The following PKIB variants were observed in gnomAD, a reference collection of about 807,000 sequenced individuals.
PKIB encodes PKI-beta.
In PKIB, 2 loss-of-function variants were observed where a neutral mutation model predicts 4.5. The ratio of observed to expected loss-of-function variants is 0.44; its 90% CI spans 0.18 to 1.39. PKIB has a LOEUF of 1.39. Among genes scored for constraint, PKIB ranks in the 40% most tolerant of loss-of-function variants. PKIB has a pLI of 0.27. For missense variants in PKIB, 94 were observed against 92.6 expected (o/e 1.02, Z -0.06); for synonymous variants, 38 against 36.0 (o/e 1.06, Z -0.20).
At chr6:122,642,002 T>C (rs746326803) in intron 2 of PKIB, among the ~76,000 whole-genome samples, 1 of 152,168 alleles carries the variant, frequency 6.6e-6, no homozygotes, top group Admixed American at 6.5e-5. Context: ...TGTTACTGAT[T>C]AATTTTGAAT....
At chr6:122,614,714 G>A (rs966649668) in intron 1 of PKIB, among the ~76,000 whole-genome samples, 1 of 152,050 alleles carries the variant, frequency 6.6e-6, no homozygotes, top group African/African-American at 2.4e-5. Flanking sequence ...TAAATTTTAT[G>A]GATTGAGCTA....
intron 1 of PKIB, among the ~76,000 whole-genome samples, chr6:122,629,153 C>T (rs1252577939): frequency 1.3e-5 from 2 of 152,254 alleles, no homozygotes; most frequent in Non-Finnish European, 2.9e-5. Flanking sequence ...CTTCATAATA[C>T]TCTCTGTCTT....
chr6:122,555,955 G>C (rs998976220), intron 2 of PKIB, among the ~76,000 whole-genome samples: 2 of 152,170 alleles, frequency 1.3e-5, no homozygotes, highest in Non-Finnish European at 2.9e-5. Flanking sequence ...CTAGTGGTTT[G>C]GGGCATTTAG....
At chr6:122,692,909 G>A (rs115558391) in intron 3 of PKIB, among the ~76,000 whole-genome samples, 130 of 152,250 alleles carry the variant, frequency 8.5e-4, no homozygotes, top group African/African-American at 3.0e-3. Context: ...AACAAGTTTT[G>A]AATTTTAATC....
chr6:122,657,288 T>G (rs1276153410), intron 2 of PKIB, among the ~76,000 whole-genome samples: 1 of 152,204 alleles, frequency 6.6e-6, no homozygotes, highest in Non-Finnish European at 1.5e-5. Flanking sequence ...AAATTGCTAC[T>G]CATGGCTACA....
At chr6:122,490,442 T>C (rs1291839237) in intron 2 of PKIB, among the ~76,000 whole-genome samples, 1 of 152,154 alleles carries the variant, frequency 6.6e-6, no homozygotes, top group East Asian at 1.9e-4. Flanking sequence ...TGTTGAAATA[T>C]GATTCCAAAT....
intron 2 of PKIB, among the ~76,000 whole-genome samples, chr6:122,573,153 G>A (rs1261444327): frequency 1.3e-5 from 2 of 152,046 alleles, no homozygotes; most frequent in African/African-American, 4.8e-5. Context: ...ACCAGGAAAG[G>A]ACACAAGAGA....
intron 2 of PKIB, among the ~76,000 whole-genome samples, chr6:122,495,931 C>T (rs1776065849): frequency 6.6e-6 from 1 of 152,134 alleles, no homozygotes; most frequent in African/African-American, 2.4e-5. Context: ...ACTCATTTCC[C>T]CAGATGATCC....
intron 2 of PKIB, among the ~76,000 whole-genome samples, chr6:122,535,691 T>C (rs1430212229): frequency 1.3e-5 from 2 of 152,184 alleles, no homozygotes; most frequent in African/African-American, 4.8e-5. Context: ...GGCTTGAGAA[T>C]TAAACATGTT....
chr6:122,717,688 G>T (rs1217777535), intron 3 of PKIB, 99 bp from the exon 4 acceptor site: 11 of 1,142,374 alleles, frequency 9.6e-6, no homozygotes, highest in Non-Finnish European at 1.4e-5. Context: ...AGACTCTCAA[G>T]CCTGTTGTGT....
chr6:122,701,497 C>A, intron 3 of PKIB: 1 of 1,596,846 alleles, frequency 6.3e-7, no homozygotes, highest in Non-Finnish European at 8.5e-7. Context: ...CATGTCACAC[C>A]AGGGTATAGT....
chr6:122,549,832 AT>A (rs1303022571), intron 2 of PKIB, among the ~76,000 whole-genome samples: 1 of 147,916 alleles, frequency 6.8e-6, no homozygotes, highest in African/African-American at 2.5e-5. Flanking sequence ...TATATATAAA[AT>A]ATATATGTAT....
intron 2 of PKIB, among the ~76,000 whole-genome samples, chr6:122,506,143 G>C (rs1416688067): frequency 6.6e-6 from 1 of 152,104 alleles, no homozygotes; most frequent in Non-Finnish European, 1.5e-5. Flanking sequence ...AGGAAAACTG[G>C]TATCCAAACT....
rs149654900 is a variant in PKIB, at chr6:122,663,834, C to T, written c.-75-11244C>T. Among the ~76,000 whole-genome samples the T allele has an allele frequency of 9.1e-4, 138 of 152,078 alleles. No individual in the cohort carries two copies. The East Asian group carries it at 0.015, about 17-fold the overall frequency. ...GGGGGTTAGGAGTTTAATATATTTT[C>T]GGGGGAAACGATGCAACCCATAACA... On this transcript the variant is annotated intron_variant, in intron 2 of 4. Transcript: ENST00000368452.
intron 2 of PKIB, among the ~76,000 whole-genome samples, chr6:122,552,966 A>C (rs1344484952): frequency 6.6e-6 from 1 of 152,052 alleles, no homozygotes; most frequent in Admixed American, 6.6e-5. Context: ...CTATTCCTAA[A>C]TTCACTGGAT....
chr6:122,619,815 G>A (rs182963356), intron 1 of PKIB, among the ~76,000 whole-genome samples: 392 of 152,072 alleles, frequency 2.6e-3, no homozygotes, highest in African/African-American at 9.0e-3. Context: ...TTTGTTATAT[G>A]TTTTGCTACC....
At chr6:122,719,964 A>ATT (rs1405320476) in intron 4 of PKIB, among the ~76,000 whole-genome samples, 96 of 152,356 alleles carry the variant, frequency 6.3e-4, no homozygotes, top group Middle Eastern at 6.8e-3. Flanking sequence ...ATATTTTATT[A>ATT]ACAAAGTCAC....
intron 2 of PKIB, among the ~76,000 whole-genome samples, chr6:122,488,746 G>A (rs1212803947): frequency 5.3e-5 from 8 of 152,130 alleles, no homozygotes; most frequent in Admixed American, 6.5e-5. Flanking sequence ...GGAGCACTAC[G>A]TCTGCTCACT....
intron 2 of PKIB, among the ~76,000 whole-genome samples, chr6:122,507,982 T>G (rs1008191250): frequency 1.3e-5 from 2 of 152,194 alleles, no homozygotes; most frequent in Non-Finnish European, 1.5e-5. Context: ...TTTTTAATTT[T>G]TTTAATTTTT....
Sources: gnomAD v4.1 joint callset for allele counts (sites outside exome capture counted in the v4.1 genomes callset) on GRCh38, gnomAD v4.1.1 for gene constraint, MANE v1.5 for transcripts, NCBI Gene and HGNC (gene_info 2026-07-23, HGNC 2026-07-21) for gene names.